Variants in TOM1L2 observed in about 807,000 individuals in gnomAD.
TOM1L2 encodes the protein TOM1-like protein 2.
TOM1L2 carries 31 observed loss-of-function variants against 67.9 expected under a neutral mutation model. That is an observed-to-expected ratio of 0.46 (90% confidence interval 0.34 to 0.62). The LOEUF (loss-of-function observed/expected upper bound fraction) is 0.62, where lower values mean the gene tolerates loss of function less well. Ranked by LOEUF, TOM1L2 falls within the 20% of genes least tolerant of loss-of-function variation. The pLI is 0.01. For missense variants in TOM1L2, 606 were observed against 663.5 expected (o/e 0.91, Z 0.95); for synonymous variants, 256 against 254.0 (o/e 1.01, Z -0.07).
At chr17:17,968,432 C>T (rs1383454515) in intron 1 of TOM1L2, among the ~76,000 whole-genome samples, 1 of 152,124 alleles carries the variant, frequency 6.6e-6, no homozygotes, top group Non-Finnish European at 1.5e-5. Context: ...TTTGGGAGGC[C>T]AAGGAGGGTG....
chr17:17,858,947 C>T (rs1252553555), intron 12 of TOM1L2: 3 of 152,302 alleles, frequency 2.0e-5, no homozygotes, highest in African/African-American at 7.2e-5. Context: ...TGAACTCCCA[C>T]CTCGGCCTCC....
chr17:17,858,720 T>G (rs1181395016), intron 12 of TOM1L2: 1 of 152,326 alleles, frequency 6.6e-6, no homozygotes, highest in African/African-American at 2.4e-5. Context: ...GTAGCTGGGA[T>G]TACAAGCATG....
chr17:17,847,958 G>A (rs1024147957), intron 14 of TOM1L2, among the ~76,000 whole-genome samples, 175 bp from the exon 15 acceptor site: 10 of 152,154 alleles, frequency 6.6e-5, no homozygotes, highest in Non-Finnish European at 8.8e-5. Flanking sequence ...TCCTGGCTGT[G>A]CCCAGTCCTC....
intron 4 of TOM1L2, among the ~76,000 whole-genome samples, chr17:17,890,909 C>T (rs1446371025): frequency 1.3e-5 from 2 of 152,192 alleles, no homozygotes; most frequent in Non-Finnish European, 2.9e-5. Flanking sequence ...CATTGGTTCA[C>T]CCTGTTACAG....
chr17:17,860,077 A>T (rs2036471624), intron 12 of TOM1L2: 1 of 152,330 alleles, frequency 6.6e-6, no homozygotes, highest in Non-Finnish European at 1.5e-5. Context: ...TGGACAAGGC[A>T]GGTCCTGGAC....
At chr17:17,968,466 A>G (rs932860019) in intron 1 of TOM1L2, among the ~76,000 whole-genome samples, 4 of 152,124 alleles carry the variant, frequency 2.6e-5, no homozygotes, top group Non-Finnish European at 5.9e-5. Flanking sequence ...GGAGTTCAAG[A>G]CCAGCCTGGC....
intron 1 of TOM1L2, among the ~76,000 whole-genome samples, chr17:17,930,330 A>T (rs4077828): frequency 0.49 from 73,913 of 151,874 alleles, 19,048 homozygotes; most frequent in East Asian, 0.86. Flanking sequence ...TTAGGAAATG[A>T]CCAAATCAGA....
intron 10 of TOM1L2, among the ~76,000 whole-genome samples, chr17:17,865,737 CCTTT>C (rs1168851597): frequency 1.1e-4 from 16 of 140,614 alleles, no homozygotes; most frequent in African/African-American, 4.1e-4. Context: ...TGGCAGGTGA[CCTTT>C]CTTTTTTTTT....
chr17:17,921,470 CG>C (rs1284139094), intron 1 of TOM1L2, among the ~76,000 whole-genome samples: 4 of 151,982 alleles, frequency 2.6e-5, no homozygotes, highest in Admixed American at 2.6e-4. Flanking sequence ...GAATAACTTA[CG>C]TGTGAGTCAG....
At chr17:17,945,012 T>C (rs751183454) in intron 1 of TOM1L2, among the ~76,000 whole-genome samples, 7 of 152,182 alleles carry the variant, frequency 4.6e-5, no homozygotes, top group Non-Finnish European at 1.0e-4. Context: ...ACACTAATCC[T>C]TCATCCTCCG....
intron 1 of TOM1L2, among the ~76,000 whole-genome samples, chr17:17,959,335 T>G (rs2041595066): frequency 6.6e-6 from 1 of 152,152 alleles, no homozygotes; most frequent in Non-Finnish European, 1.5e-5. Context: ...AGGACATCCA[T>G]TTGATATCAG....
intron 1 of TOM1L2, among the ~76,000 whole-genome samples, chr17:17,920,391 A>T (rs1256975522): frequency 2.5e-5 from 3 of 121,230 alleles, no homozygotes; most frequent in African/African-American, 3.4e-5. Flanking sequence ...CCCAGGCTGG[A>T]GTGCAGTGGT....
intron 1 of TOM1L2, among the ~76,000 whole-genome samples, chr17:17,931,574 T>C (rs1048418256): frequency 2.0e-5 from 3 of 152,022 alleles, no homozygotes; most frequent in African/African-American, 7.3e-5. Flanking sequence ...CCCTCCCCCG[T>C]ACAAAATGAG....
chr17:17,939,540 T>C (rs755425372), intron 1 of TOM1L2, among the ~76,000 whole-genome samples: 9 of 152,298 alleles, frequency 5.9e-5, no homozygotes, highest in Non-Finnish European at 1.2e-4. Flanking sequence ...AATAATATGA[T>C]TTGGGGGACT....
chr17:17,962,292 G>C (rs530710477), intron 1 of TOM1L2, among the ~76,000 whole-genome samples: 1 of 151,354 alleles, frequency 6.6e-6, no homozygotes, highest in Non-Finnish European at 1.5e-5. Context: ...GACTAGAAGA[G>C]TTGTAGAGAT....
chr17:17,949,182 G>A (rs1437175214), intron 1 of TOM1L2, among the ~76,000 whole-genome samples: 1 of 152,176 alleles, frequency 6.6e-6, no homozygotes, highest in East Asian at 1.9e-4. Flanking sequence ...CTTGCCACCT[G>A]CCATTAAGGG....
At position 17,861,560 on chromosome 17, in the gene TOM1L2, G is replaced by A. The variant is rs1598200660; in HGVS notation, c.1203-9C>T. 1.4e-5 allele frequency: 22 copies of A among 1,613,690 alleles called. No individual in the cohort carries two copies. In the East Asian group the frequency reaches 4.9e-4, roughly 36 times the overall value. ...GATCCTCATAGGTTACCCTGGAGAT[G>A]AAGAAGCAGCACAAGCAGAGTTCAT... On this transcript the variant is annotated splice_polypyrimidine_tract_variant and intron_variant, in intron 11 of 14. Coordinates refer to ENST00000379504, the MANE Select transcript of TOM1L2 (RefSeq NM_001082968.2).
intron 1 of TOM1L2, among the ~76,000 whole-genome samples, chr17:17,940,833 G>A (rs1838732339): frequency 2.0e-5 from 3 of 152,158 alleles, no homozygotes; most frequent in Admixed American, 2.0e-4. Flanking sequence ...TTAAGTGTGT[G>A]GGTCAGTCTC....
intron 1 of TOM1L2, among the ~76,000 whole-genome samples, chr17:17,946,258 G>C (rs2040946682): frequency 7.8e-6 from 1 of 128,676 alleles, no homozygotes; most frequent in Non-Finnish European, 1.6e-5. Context: ...GTACAATTCA[G>C]TGGCATTAGT....
Sources: gnomAD v4.1 joint callset for allele counts (sites outside exome capture counted in the v4.1 genomes callset) on GRCh38, gnomAD v4.1.1 for gene constraint, MANE v1.5 for transcripts, NCBI Gene and HGNC (gene_info 2026-07-23, HGNC 2026-07-21) for gene names.